ARL5C: variants seen among roughly 807,000 people sequenced by gnomAD.
ARL5C encodes putative ADP-ribosylation factor-like protein 5C.
In ARL5C, 21 loss-of-function variants were observed where a neutral mutation model predicts 20.8. The observed-to-expected ratio is 1.01, with a 90% CI of 0.72 to 1.46. ARL5C has a LOEUF of 1.46. Ranked by LOEUF, ARL5C falls within the 40% of genes most tolerant of loss-of-function variation. The pLI is 0.00. For missense variants in ARL5C, 199 were observed against 225.1 expected, an observed-to-expected ratio of 0.88 and a Z score of 0.74; for synonymous variants, 71 against 81.6, an observed-to-expected ratio of 0.87 and a Z score of 0.70.
At position 39,159,197 on chromosome 17, in the gene ARL5C, G is replaced by GTTT. The variant is rs35119781; in HGVS notation, c.491+1391_491+1393dup. Among the ~76,000 whole-genome samples, 335 of 97,264 alleles carry GTTT rather than the reference G, an allele frequency of 3.4e-3. 5 individuals are homozygous for GTTT. Among genetic ancestry groups the GTTT allele is most frequent in the African/African-American group, 0.012 (299 of 24,202 alleles). 63.8% of individuals were successfully genotyped at this position (97,264 alleles called of 152,430 possible). A position where few individuals can be genotyped will look rare whatever the true frequency, so the allele number is the denominator to read the frequency against. Reference sequence around the variant, plus strand: ...CAGGTGTGTGCCACCACATCCAGCGGTTTTTTTTTTTTTTTTTTTTTGTAA... The same window carrying GTTT: ...CAGGTGTGTGCCACCACATCCAGCGGTTTTTTTTTTTTTTTTTTTTTTTTGTAA... On this transcript the variant is annotated intron_variant, in intron 5 of 5. Coordinates refer to ENST00000269586, the MANE Select transcript of ARL5C (RefSeq NM_001143968.1).
intron 3 of ARL5C, 132 bp from the exon 4 acceptor site, chr17:39,161,483 A>G (rs2045434772): frequency 1.3e-6 from 1 of 753,532 alleles, no homozygotes; most frequent in African/African-American, 1.8e-5. Flanking sequence ...ATGCAGCCTC[A>G]AGATTTCACC....
At chr17:39,156,971 A>G (rs1412335888) in intron 5 of ARL5C, 29 bp from the exon 6 acceptor site, 5 of 1,551,314 alleles carry the variant, frequency 3.2e-6, no homozygotes, top group Non-Finnish European at 4.4e-6. Context: ...AGGAGGGGTC[A>G]GCCTAACCCA....
chr17:39,157,984 G>A (rs1160690421), intron 5 of ARL5C, among the ~76,000 whole-genome samples: 1 of 151,474 alleles, frequency 6.6e-6, no homozygotes, highest in African/African-American at 2.4e-5. Flanking sequence ...TGTAATCCCG[G>A]CTACTCGGGA....
chr17:39,159,033 T>TTG (rs1339774055), intron 5 of ARL5C, among the ~76,000 whole-genome samples: 2 of 124,014 alleles, frequency 1.6e-5, no homozygotes, highest in Admixed American at 8.1e-5. Context: ...TTTTTTTTTT[T>TTG]TTTTTTTTTT....
chr17:39,161,730 T>C (rs1192911814), intron 3 of ARL5C, among the ~76,000 whole-genome samples: 2 of 152,072 alleles, frequency 1.3e-5, no homozygotes, highest in African/African-American at 2.4e-5. Context: ...GCCAGGATGG[T>C]CTCAAACTCC....
chr17:39,165,029 G>A, intron 2 of ARL5C, 50 bp downstream of exon 2: 2 of 1,535,350 alleles, frequency 1.3e-6, no homozygotes, highest in Non-Finnish European at 1.8e-6. Context: ...CTGCCTGTCA[G>A]TCTGGTGGGA....
chr17:39,165,751 G>A lies in ARL5C; in HGVS notation c.10C>T (p.Leu4=). The change falls in exon 1 of 6, where the codon CTG becomes TTG. Residue 4 remains leucine, a synonymous_variant. Coordinates refer to ENST00000269586, the MANE Select transcript of ARL5C (RefSeq NM_001143968.1). MGQ[L]IAKLMSIFGN... ...AAGATGCTCATTAACTTGGCGATCAGCTGTCCCATGGCACTTCCCGGGCCG... is the reference window on the plus strand; with the variant it reads ...AAGATGCTCATTAACTTGGCGATCAACTGTCCCATGGCACTTCCCGGGCCG... The A allele has an allele frequency of 6.4e-7, 1 of 1,551,850 alleles. No individual in the cohort carries two copies.
At chr17:39,158,126 AGGG>A (rs59278039) in intron 5 of ARL5C, among the ~76,000 whole-genome samples, 9,767 of 99,712 alleles carry the variant, frequency 0.098, 394 homozygotes, top group Middle Eastern at 0.16. Flanking sequence ...GGAGGGAGGG[AGGG>A]AGGAAGGAAG....
intron 2 of ARL5C, among the ~76,000 whole-genome samples, chr17:39,163,130 A>G (rs953697650): frequency 3.3e-5 from 5 of 152,132 alleles, no homozygotes; most frequent in African/African-American, 1.2e-4. Flanking sequence ...TTATAGAAAC[A>G]GGGTCTCACT....
At chr17:39,163,580 C>T (rs935454299) in intron 2 of ARL5C, among the ~76,000 whole-genome samples, 1 of 151,464 alleles carries the variant, frequency 6.6e-6, no homozygotes, top group Non-Finnish European at 1.5e-5. Flanking sequence ...TTTGTAGAAA[C>T]GGGGTTTCGC....
intron 5 of ARL5C, among the ~76,000 whole-genome samples, chr17:39,158,067 C>CAGCCTGGGCAACAGAGCAAGTGGCCG (rs2045415194): frequency 6.8e-6 from 1 of 146,884 alleles, no homozygotes; most frequent in Non-Finnish European, 1.5e-5. Context: ...CACTGCGCTC[C>CAGCCTGGGCAACAGAGCAAGTGGCCG]AGCCTGGGCA....
At chr17:39,162,226 G>A (rs998996915) in intron 3 of ARL5C, among the ~76,000 whole-genome samples, 4 of 152,186 alleles carry the variant, frequency 2.6e-5, no homozygotes, top group Non-Finnish European at 5.9e-5. Flanking sequence ...TTGAGTATCT[G>A]ACATATATGC....
intron 5 of ARL5C, among the ~76,000 whole-genome samples, chr17:39,157,889 C>A (rs546191685): frequency 1.3e-3 from 202 of 150,154 alleles, no homozygotes; most frequent in African/African-American, 4.9e-3. Flanking sequence ...GTCAGGAGAT[C>A]GAGACCATCC....
rs1195930747 is a variant in ARL5C at position 39,162,757 on chromosome 17, G to A, written c.209C>T (p.Pro70Leu). The A allele has an allele frequency of 6.4e-7, 1 of 1,551,608 alleles. No homozygotes were observed. The highest frequency in any genetic ancestry group is 8.7e-7 in the Non-Finnish European group (1 of 1,147,004). ...GTTCCAGATAAAGCTCAGAGCCTCA[G>A]GTCTCACTATGTCCCACATGAAGAA... is the stretch of plus-strand genomic sequence containing the variant. ...THFFMWDIVR[P>L]EALSFIWNTY... Residue 70 changes from proline to leucine, a missense_variant, in exon 3 of 6, where the codon CCT becomes CTT. Transcript: ENST00000269586.
chr17:39,165,104 C>G lies in ARL5C; in HGVS notation c.82G>C (p.Gly28Arg). 1 of 1,551,744 alleles carries G rather than the reference C, an allele frequency of 6.4e-7. No individual in the cohort carries two copies. Among genetic ancestry groups the G allele is most frequent in the Non-Finnish European group, 8.7e-7 (1 of 1,146,994 alleles). The change falls in exon 2 of 6, where the codon GGA becomes CGA. Residue 28 changes from glycine (G) to arginine (R), a missense_variant. By Grantham distance (125) the Gly-to-Arg change is moderately radical (BLOSUM62 -2). Transcript: ENST00000269586. ...TVIIVGLDNE[G>R]KTTILYRFLT... ...AACCGGTAGAGAATGGTGGTCTTTC[C>G]TTCATTGTCCAGTCCCACGATGATG...
At chr17:39,160,188 TGGCG>T in intron 5 of ARL5C, 1 of 157,980 alleles carries the variant, frequency 6.3e-6, no homozygotes, top group Non-Finnish European at 1.4e-5. Context: ...CCAGGCGTGG[TGGCG>T]GGTACCTGTA....
At chr17:39,156,874 G>A, downstream of ARL5C, 6 of 1,551,652 alleles carry the variant, frequency 3.9e-6, no homozygotes, top group Non-Finnish European at 5.2e-6. Context: ...AAAGTTTCTG[G>A]TTGACCTCAG....
intron 3 of ARL5C, among the ~76,000 whole-genome samples, chr17:39,161,793 C>A (rs1285588274): frequency 6.6e-6 from 1 of 152,156 alleles, no homozygotes; most frequent in Admixed American, 6.5e-5. Context: ...GGATTACCAC[C>A]AGGTGTGCTG....
downstream of ARL5C, chr17:39,156,862 C>G: frequency 6.4e-7 from 1 of 1,551,294 alleles, no homozygotes; most frequent in Non-Finnish European, 8.7e-7. Context: ...ATGCAAAACC[C>G]CAAAGTTTCT....
Sources: allele counts gnomAD v4.1 joint callset (sites outside exome capture counted in the v4.1 genomes callset), GRCh38; gene constraint gnomAD v4.1.1; transcripts MANE v1.5; gene names NCBI Gene and HGNC (gene_info 2026-07-23, HGNC 2026-07-21).